Variants in CEP57L1 observed in about 807,000 individuals in gnomAD.
CEP57L1 encodes the protein centrosomal protein 57 like 1, also known as centrosomal protein CEP57L1.
CEP57L1 carries 37 observed loss-of-function variants against 61.0 expected under a neutral mutation model. The observed-to-expected ratio is 0.61, with a 90% CI of 0.47 to 0.80. The LOEUF is 0.80. Ranked by LOEUF, CEP57L1 falls within the 30% of genes least tolerant of loss-of-function variation. The pLI is 0.00. For missense variants in CEP57L1, 422 were observed against 524.7 expected (o/e 0.80, Z 1.91); for synonymous variants, 137 against 162.3 (o/e 0.84, Z 1.19).
At chr6:109,147,002 C>G in intron 3 of CEP57L1, 65 bp downstream of exon 3, 1 of 1,344,336 alleles carries the variant, frequency 7.4e-7, no homozygotes, top group Non-Finnish European at 1.0e-6. Context: ...AAATAATAAA[C>G]CTAGTCTAAG....
intron 1 of CEP57L1, among the ~76,000 whole-genome samples, chr6:109,126,445 A>G (rs1002854163): frequency 1.3e-5 from 2 of 152,208 alleles, no homozygotes; most frequent in Middle Eastern, 3.2e-3. Context: ...TCTGTTGTCC[A>G]TCTATTAACA....
chr6:109,149,688 G>A (rs1204689045), intron 3 of CEP57L1, among the ~76,000 whole-genome samples: 1 of 152,134 alleles, frequency 6.6e-6, no homozygotes, highest in Non-Finnish European at 1.5e-5. Flanking sequence ...GGATGGCATT[G>A]AATCTATAAA....
chr6:109,097,657 TAATA>T (rs1781869098), intron 1 of CEP57L1, among the ~76,000 whole-genome samples: 1 of 152,128 alleles, frequency 6.6e-6, no homozygotes, highest in African/African-American at 2.4e-5. Flanking sequence ...TGAGGAGAGA[TAATA>T]AATAAATATG....
chr6:109,111,629 TG>T (rs1451547124), intron 1 of CEP57L1, among the ~76,000 whole-genome samples: 1 of 152,216 alleles, frequency 6.6e-6, no homozygotes, highest in Non-Finnish European at 1.5e-5. Context: ...TTCCAGTTTT[TG>T]CCCATTCAGT....
Position 109,127,921 on chromosome 6 carries a change from G to T in CEP57L1, c.-3-17298G>T, listed in dbSNP as rs140057471. 2.4e-3 allele frequency among the ~76,000 whole-genome samples: 365 copies of T among 151,970 alleles called. 4 individuals carry two copies. The highest frequency in any genetic ancestry group is 8.5e-3 in the African/African-American group (351 of 41,490). Reference sequence around the variant, plus strand: ...GGGATTACAGACATGAGCCACTGCGGCCGACCAAACCTGTGATTCTTAACC... The same window carrying T: ...GGGATTACAGACATGAGCCACTGCGTCCGACCAAACCTGTGATTCTTAACC... On this transcript the variant is annotated intron_variant, in intron 1 of 10. Coordinates refer to ENST00000517392, the MANE Select transcript of CEP57L1 (RefSeq NM_001271852.3).
At chr6:109,150,288 G>C in intron 4 of CEP57L1, 49 bp downstream of exon 4, 1 of 1,565,978 alleles carries the variant, frequency 6.4e-7, no homozygotes, top group African/African-American at 1.4e-5. Flanking sequence ...GTATGTTTTT[G>C]AAGAATATTT....
At chr6:109,132,064 C>T (rs1774258685) in intron 1 of CEP57L1, among the ~76,000 whole-genome samples, 2 of 152,204 alleles carry the variant, frequency 1.3e-5, no homozygotes, top group South Asian at 4.1e-4. Flanking sequence ...GAGAAATCCT[C>T]ATCACAATCC....
In CEP57L1 at chr6:109,146,745, T is replaced by G; in HGVS notation, c.161-13T>G. The G allele has an allele frequency of 6.6e-7, 1 of 1,525,020 alleles. No homozygotes were observed. The highest frequency in any genetic ancestry group is 8.8e-7 in the Non-Finnish European group (1 of 1,137,762). 94.5% of individuals were successfully genotyped at this position (1,525,020 alleles called of 1,614,324 possible). On this transcript the variant is annotated splice_polypyrimidine_tract_variant and intron_variant, in intron 2 of 10. Transcript: ENST00000517392. ...CTTTCACTTAAAATATCAACAAAAT[T>G]TTTTTTCAACAGCTCTTATTTTAGC...
intron 1 of CEP57L1, among the ~76,000 whole-genome samples, chr6:109,120,336 C>T (rs1772804509): frequency 6.6e-6 from 1 of 152,124 alleles, no homozygotes; most frequent in African/African-American, 2.4e-5. Context: ...ACAAGATTGC[C>T]ATATTCTAGA....
Position 109,116,188 on chromosome 6 carries a change from C to T in CEP57L1, c.-4+20613C>T, listed in dbSNP as rs538210293. Among the ~76,000 whole-genome samples the T allele has an allele frequency of 8.7e-3, 1,153 of 132,284 alleles. 23 individuals are homozygous for T. The highest frequency in any genetic ancestry group is 0.031 in the African/African-American group (1,106 of 35,224). 86.8% of individuals were successfully genotyped at this position (132,284 alleles called of 152,430 possible). On this transcript the variant is annotated intron_variant, in intron 1 of 10. Transcript: ENST00000517392. ...TGTTATGTTATGTTATGTTATGTTA[C>T]TTTTTTGAGACAGAGTTTCATTCTT...
chr6:109,097,336 A>G (rs910589407), intron 1 of CEP57L1, among the ~76,000 whole-genome samples: 3 of 152,188 alleles, frequency 2.0e-5, no homozygotes, highest in African/African-American at 7.2e-5. Context: ...TGCCAGAATG[A>G]TTTTTTGAAA....
intron 2 of CEP57L1, among the ~76,000 whole-genome samples, chr6:109,146,401 A>G (rs935991189): frequency 1.3e-5 from 2 of 151,988 alleles, no homozygotes; most frequent in African/African-American, 4.8e-5. Context: ...AGTAGAAATT[A>G]TATTTTAATG....
At chr6:109,124,075 CAA>C (rs536788352) in intron 1 of CEP57L1, among the ~76,000 whole-genome samples, 1 of 135,272 alleles carries the variant, frequency 7.4e-6, no homozygotes, top group African/African-American at 2.7e-5. Context: ...GACTCTGTCT[CAA>C]AAAAAAAAAA....
intron 1 of CEP57L1, among the ~76,000 whole-genome samples, chr6:109,143,815 C>G (rs979136833): frequency 6.6e-6 from 1 of 152,078 alleles, no homozygotes; most frequent in Non-Finnish European, 1.5e-5. Flanking sequence ...GAAACCCACC[C>G]GGAGCTGAAA....
At chr6:109,155,903 A>C in intron 7 of CEP57L1, 26 bp downstream of exon 7, 1 of 1,087,396 alleles carries the variant, frequency 9.2e-7, no homozygotes, top group Non-Finnish European at 1.4e-6. Flanking sequence ...TTTTTCCCAA[A>C]CAAAAATACT....
intron 9 of CEP57L1, 99 bp downstream of exon 9, chr6:109,159,561 G>A (rs1029333765): frequency 7.6e-5 from 85 of 1,123,068 alleles, no homozygotes; most frequent in East Asian, 5.0e-4. Flanking sequence ...CTCCTGCCTC[G>A]GCCTCCCAAA....
At chr6:109,146,701 G>T in intron 2 of CEP57L1, 57 bp from the exon 3 acceptor site, 1 of 1,149,256 alleles carries the variant, frequency 8.7e-7, no homozygotes, top group South Asian at 1.7e-5. Context: ...ATGTTACTTT[G>T]ATTGTAAGTG....
chr6:109,106,850 A>C (rs1056936828), intron 1 of CEP57L1, among the ~76,000 whole-genome samples: 4 of 152,110 alleles, frequency 2.6e-5, no homozygotes, highest in African/African-American at 9.7e-5. Flanking sequence ...TGAGGCGGGA[A>C]AATTTCTTGA....
At chr6:109,110,257 A>C (rs1771439683) in intron 1 of CEP57L1, among the ~76,000 whole-genome samples, 1 of 152,108 alleles carries the variant, frequency 6.6e-6, no homozygotes. Flanking sequence ...ATGGTATCTT[A>C]TTGTGGTTTT....
Sources: gnomAD v4.1 joint callset for allele counts (sites outside exome capture counted in the v4.1 genomes callset) on GRCh38, gnomAD v4.1.1 for gene constraint, MANE v1.5 for transcripts, NCBI Gene and HGNC (gene_info 2026-07-23, HGNC 2026-07-21) for gene names.